Variants in PTPRN2 observed in about 807,000 individuals in gnomAD.
PTPRN2 encodes receptor-type tyrosine-protein phosphatase N2.
Under a neutral mutation model 118.8 loss-of-function variants are expected in PTPRN2, and 74 were observed. That is an observed-to-expected ratio of 0.62 (90% CI 0.52 to 0.76). PTPRN2 has a LOEUF of 0.76. Among genes scored for constraint, PTPRN2 ranks in the 30% least tolerant of loss-of-function variants. PTPRN2 has a pLI of 0.00. For synonymous variants in PTPRN2, 641 were observed against 608.0 expected (o/e 1.05, Z -0.80); for missense variants, 1,481 against 1,394.4 (o/e 1.06, Z -0.99).
intron 12 of PTPRN2, among the ~76,000 whole-genome samples, chr7:157,873,387 G>A (rs1297195191): frequency 3.3e-5 from 5 of 152,240 alleles, no homozygotes; most frequent in South Asian, 2.1e-4. Flanking sequence ...CCGGAGGGCC[G>A]CGCCCCGAGG....
At chr7:158,232,364 T>C (rs970307012) in intron 3 of PTPRN2, among the ~76,000 whole-genome samples, 17 of 152,066 alleles carry the variant, frequency 1.1e-4, no homozygotes, top group African/African-American at 4.1e-4. Context: ...AAGAAATAGG[T>C]ACATTCCTGG....
intron 2 of PTPRN2, among the ~76,000 whole-genome samples, chr7:158,475,501 C>T (rs1198249014): frequency 6.6e-6 from 1 of 152,142 alleles, no homozygotes; most frequent in Admixed American, 6.5e-5. Flanking sequence ...GGGACAATCA[C>T]CAAGGACGGG....
In PTPRN2 at chr7:157,560,421, G is replaced by T; in HGVS notation, c.2902+8481C>A. On this transcript the variant is annotated intron_variant, in intron 21 of 22. Transcript: ENST00000389418. The surrounding 1 kb of genome is among the most constrained non-coding windows in gnomAD (Gnocchi z 6.7). The stretch of plus-strand genomic sequence containing the variant: ...GTCCACACGCTCCCACCAGGCGATC[G>T]ACACCAGGGTCCGCCTGTGCCCTGC... 6.7e-6 allele frequency among the ~76,000 whole-genome samples: 1 copy of T among 148,644 alleles called. No homozygotes were observed. The highest frequency in any genetic ancestry group is 2.0e-4 in the East Asian group (1 of 4,906).
Position 158,149,182 on chromosome 7 carries a change from G to A in PTPRN2, c.911-10667C>T, listed in dbSNP as rs559380140. On this transcript the variant is annotated intron_variant, in intron 6 of 22. Transcript: ENST00000389418. ...AGTGACACCCCATCTCACGCCACAC[G>A]TCTTTCCTCCTCAAGTGCACGAGTG... 2.0e-5 allele frequency among the ~76,000 whole-genome samples: 3 copies of A among 151,424 alleles called. No individual in the cohort carries two copies. In the East Asian group the frequency reaches 5.9e-4, roughly 30 times the overall value.
At chr7:157,924,498 C>CT (rs1798862315) in intron 11 of PTPRN2, among the ~76,000 whole-genome samples, 3 of 152,232 alleles carry the variant, frequency 2.0e-5, no homozygotes. Context: ...CCACAGGGCC[C>CT]TGCTCACCAC....
chr7:157,878,053 C>CT (rs1383280772), intron 12 of PTPRN2, among the ~76,000 whole-genome samples: 1 of 152,266 alleles, frequency 6.6e-6, no homozygotes, highest in East Asian at 1.9e-4. Flanking sequence ...CTCTCTGACT[C>CT]TGAAGGGCCT....
chr7:157,736,864 C>T (rs1221337949), intron 12 of PTPRN2, among the ~76,000 whole-genome samples: 3 of 152,190 alleles, frequency 2.0e-5, no homozygotes, highest in Admixed American at 6.5e-5. Flanking sequence ...CGGCTGGACA[C>T]ATATTGGTTT....
chr7:158,147,651 T>A (rs1820280517), intron 6 of PTPRN2, among the ~76,000 whole-genome samples: 1 of 103,534 alleles, frequency 9.7e-6, no homozygotes, highest in Non-Finnish European at 1.8e-5. Context: ...ACACCCCATC[T>A]CATGCCACGT....
chr7:158,584,608 C>T (rs1292056464), intron 1 of PTPRN2, among the ~76,000 whole-genome samples: 2 of 152,070 alleles, frequency 1.3e-5, no homozygotes, highest in Non-Finnish European at 1.5e-5. Flanking sequence ...GCCCTTCCGA[C>T]CAGAAAGGAA....
intron 20 of PTPRN2, among the ~76,000 whole-genome samples, chr7:157,570,671 C>G (rs948317294): frequency 2.1e-4 from 32 of 152,172 alleles, no homozygotes; most frequent in African/African-American, 7.2e-4. Context: ...TGAATTTTTA[C>G]CCAGAGGCCT....
At chr7:158,407,783 A>C (rs1366912766) in intron 2 of PTPRN2, among the ~76,000 whole-genome samples, 1 of 152,214 alleles carries the variant, frequency 6.6e-6, no homozygotes, top group African/African-American at 2.4e-5. Flanking sequence ...CCCAACCTGG[A>C]ATCCGTCCTT....
At chr7:157,866,498 T>C (rs959419778) in intron 12 of PTPRN2, among the ~76,000 whole-genome samples, 7 of 151,832 alleles carry the variant, frequency 4.6e-5, no homozygotes, top group Non-Finnish European at 1.0e-4. Context: ...CACACACACA[T>C]ACACACAGTG....
At chr7:157,840,332 C>T (rs1390993944) in intron 12 of PTPRN2, among the ~76,000 whole-genome samples, 36 of 113,734 alleles carry the variant, frequency 3.2e-4, no homozygotes, top group African/African-American at 9.7e-4. Context: ...TGTGTGACCG[C>T]GTGTGACGTG....
At chr7:157,552,321 A>T (rs1294119585) in intron 21 of PTPRN2, among the ~76,000 whole-genome samples, 4 of 152,260 alleles carry the variant, frequency 2.6e-5, no homozygotes, top group Non-Finnish European at 5.9e-5. Context: ...TTCTATGTAC[A>T]GGGAAACCTG....
chr7:157,773,121 T>C (rs1802987179), intron 12 of PTPRN2, among the ~76,000 whole-genome samples: 1 of 152,024 alleles, frequency 6.6e-6, no homozygotes, highest in South Asian at 2.1e-4. Context: ...GATGCTACAG[T>C]TTCCAACCAG....
chr7:157,947,148 T>C (rs1215392940), intron 11 of PTPRN2, among the ~76,000 whole-genome samples: 1 of 152,108 alleles, frequency 6.6e-6, no homozygotes, highest in Non-Finnish European at 1.5e-5. Context: ...GTGGGCAGGA[T>C]GCGAAAAGGT....
chr7:157,643,433 G>A (rs1179731213), intron 14 of PTPRN2, among the ~76,000 whole-genome samples: 1 of 152,228 alleles, frequency 6.6e-6, no homozygotes, highest in Non-Finnish European at 1.5e-5. Flanking sequence ...GGCGGATCAT[G>A]GAAGGGACAC....
chr7:158,276,297 A>G lies in PTPRN2; in HGVS notation c.277+40522T>C, dbSNP rs1187664689. Among the ~76,000 whole-genome samples, 164 of 39,310 alleles carry G rather than the reference A, an allele frequency of 4.2e-3. 7 individuals are homozygous for G. The highest frequency in any genetic ancestry group is 9.7e-3 in the African/African-American group (125 of 12,862). The allele number at this position is 39,310 out of a possible 152,430, so 25.8% of individuals were successfully genotyped here. Reference sequence around the variant, plus strand: ...CAACAGGCTGTAAGGCAGCACCCCCACACCCCGGCCCCGACAGGCTGTAAT... The same window carrying G: ...CAACAGGCTGTAAGGCAGCACCCCCGCACCCCGGCCCCGACAGGCTGTAAT... On this transcript the variant is annotated intron_variant, in intron 3 of 22. Transcript: ENST00000389418.
intron 2 of PTPRN2, among the ~76,000 whole-genome samples, chr7:158,475,352 A>G (rs1021523579): frequency 1.3e-5 from 2 of 149,504 alleles, no homozygotes; most frequent in African/African-American, 5.0e-5. Context: ...GCGAGTGGGA[A>G]CAGCTTCAGC....
Sources: allele counts gnomAD v4.1 joint callset (sites outside exome capture counted in the v4.1 genomes callset), GRCh38; gene constraint gnomAD v4.1.1; non-coding constraint Gnocchi (gnomAD v3.1); transcripts MANE v1.5; gene names NCBI Gene and HGNC (gene_info 2026-07-23, HGNC 2026-07-21).